The following MROH7 variants were observed in gnomAD, a reference collection of about 807,000 sequenced individuals.
The protein encoded by MROH7 is maestro heat-like repeat-containing protein family member 7.
Under a neutral mutation model 129.2 loss-of-function variants are expected in MROH7, and 113 were observed. That is an observed-to-expected ratio of 0.87 (90% CI 0.75 to 1.02). MROH7 has a LOEUF of 1.02. Ranked by LOEUF, MROH7 falls within the 50% of genes least tolerant of loss-of-function variation. The pLI, the probability that MROH7 is intolerant of heterozygous loss-of-function variation, is 0.00. For synonymous variants in MROH7, 655 were observed against 667.9 expected (o/e 0.98, Z 0.30); for missense variants, 1,601 against 1,671.3 (o/e 0.96, Z 0.73).
intron 13 of MROH7, among the ~76,000 whole-genome samples, chr1:54,682,160 CTTTTTT>C (rs36109984): frequency 1.5e-5 from 2 of 134,964 alleles, no homozygotes; most frequent in East Asian, 2.2e-4. Context: ...TTCTTTCTTT[CTTTTTT>C]TTTTTTTTTT....
intron 17 of MROH7, chr1:54,695,841 CAG>C (rs574996287): frequency 2.3e-4 from 82 of 354,732 alleles, no homozygotes; most frequent in African/African-American, 1.6e-3. Flanking sequence ...CCAGTTATAA[CAG>C]GGGGTGATAC....
intron 15 of MROH7, among the ~76,000 whole-genome samples, chr1:54,688,950 C>T (rs1006397699): frequency 6.6e-6 from 1 of 152,172 alleles, no homozygotes; most frequent in Non-Finnish European, 1.5e-5. Flanking sequence ...GAGTATCCAC[C>T]TCACCTCAGT....
chr1:54,689,527 C>T (rs765651603), intron 15 of MROH7, among the ~76,000 whole-genome samples: 17 of 152,200 alleles, frequency 1.1e-4, no homozygotes, highest in Non-Finnish European at 2.4e-4. Context: ...AATAGCTCCA[C>T]GGGGCATCAG....
intron 15 of MROH7, 71 bp downstream of exon 15, chr1:54,686,519 A>G (rs1301941676): frequency 7.0e-7 from 1 of 1,426,116 alleles, no homozygotes; most frequent in African/African-American, 1.4e-5. Flanking sequence ...AGAGCCTCCA[A>G]AAGTCTCAGG....
At chr1:54,647,220 A>C (rs1409770327) in intron 1 of MROH7, among the ~76,000 whole-genome samples, 1 of 152,202 alleles carries the variant, frequency 6.6e-6, no homozygotes, top group Non-Finnish European at 1.5e-5. Context: ...ATCCAAGATC[A>C]TGAAGGTTTA....
chr1:54,681,143 A>C (rs981959784), intron 13 of MROH7, among the ~76,000 whole-genome samples: 2 of 152,148 alleles, frequency 1.3e-5, no homozygotes, highest in African/African-American at 4.8e-5. Context: ...CTCGGGTGCC[A>C]AGTCTGCACT....
Position 54,702,688 on chromosome 1 carries a change from T to C in MROH7, c.3507T>C (p.Tyr1169=). Reference sequence around the variant, plus strand: ...CTTGGGAGTTGCCAAAAAGAGCTTATAGCCGGAAGCCCTGGGACAACCAAC... The same window carrying C: ...CTTGGGAGTTGCCAAAAAGAGCTTACAGCCGGAAGCCCTGGGACAACCAAC... ...FMAWELPKRA[Y]SRKPWDNQQQ... is the part of the protein sequence containing the mutation. Residue 1169 remains tyrosine, a synonymous_variant, in exon 21 of 24, where the codon TAT becomes TAC. Coordinates refer to ENST00000421030, the MANE Select transcript of MROH7 (RefSeq NM_001039464.4). The C allele has an allele frequency of 1.2e-6, 2 of 1,613,932 alleles. No individual in the cohort carries two copies. Among genetic ancestry groups the C allele is most frequent in the Non-Finnish European group, 1.7e-6 (2 of 1,179,892 alleles).
intron 15 of MROH7, among the ~76,000 whole-genome samples, chr1:54,691,965 A>T (rs746777540): frequency 1.7e-4 from 25 of 143,398 alleles, no homozygotes; most frequent in Non-Finnish European, 3.1e-4. Flanking sequence ...TCTTAGGCTC[A>T]TTCTGGAGCT....
intron 3 of MROH7, among the ~76,000 whole-genome samples, chr1:54,664,489 C>T (rs1026179354): frequency 1.1e-4 from 16 of 152,156 alleles, no homozygotes; most frequent in African/African-American, 9.6e-5. Context: ...AGGGAACCAC[C>T]GTGCAAAGGC....
In MROH7 at chr1:54,678,730, C is replaced by G; in HGVS notation, c.1937-12C>G. 1 of 1,596,754 alleles carries G rather than the reference C, an allele frequency of 6.3e-7. No homozygotes were observed. Among genetic ancestry groups the G allele is most frequent in the Non-Finnish European group, 8.6e-7 (1 of 1,164,428 alleles). On this transcript the variant is annotated splice_polypyrimidine_tract_variant and intron_variant, in intron 10 of 23. Coordinates refer to ENST00000421030, the MANE Select transcript of MROH7 (RefSeq NM_001039464.4). ...GAGATCCGGCCTCACTGAGAAGGTT[C>G]TCATCTTGCAGGAGCCAGAGATAAG...
chr1:54,647,075 T>C lies in MROH7; in HGVS notation c.-109-4874T>C, dbSNP rs143290564. ...TATTTGGGTTGTTTCCACCTTTGGCTCTCATAAGCCCCAGCTCCTGGCTGA... is the reference window on the plus strand; with the variant it reads ...TATTTGGGTTGTTTCCACCTTTGGCCCTCATAAGCCCCAGCTCCTGGCTGA... On this transcript the variant is annotated intron_variant, in intron 1 of 23. Transcript: ENST00000421030. Among the ~76,000 whole-genome samples the C allele has an allele frequency of 1.5e-3, 222 of 152,362 alleles. 2 individuals are homozygous for C. The highest frequency in any genetic ancestry group is 5.2e-3 in the African/African-American group (215 of 41,588).
intron 4 of MROH7, among the ~76,000 whole-genome samples, chr1:54,666,286 A>G (rs1345259362): frequency 6.6e-6 from 1 of 152,224 alleles, no homozygotes; most frequent in African/African-American, 2.4e-5. Flanking sequence ...ACATTTATTA[A>G]TGAGTACACG....
intron 3 of MROH7, chr1:54,663,707 A>AAT: frequency 2.4e-6 from 1 of 414,844 alleles, no homozygotes; most frequent in Non-Finnish European, 4.7e-6. Flanking sequence ...AAAAACAAAA[A>AAT]AAAAACAAGC....
chr1:54,651,424 G>A (rs572221936), intron 1 of MROH7: 72 of 152,526 alleles, frequency 4.7e-4, no homozygotes, highest in Admixed American at 4.1e-3. Flanking sequence ...CTGAAAGGGT[G>A]AAGCAGCAGT....
chr1:54,707,831 GA>G (rs1195563796), intron 22 of MROH7, among the ~76,000 whole-genome samples: 3 of 151,828 alleles, frequency 2.0e-5, no homozygotes, highest in Non-Finnish European at 2.9e-5. Context: ...ATACTTTCCT[GA>G]AAAAAATGCA....
chr1:54,673,323 C>T (rs1644931233), intron 8 of MROH7, 137 bp downstream of exon 8: 1 of 669,402 alleles, frequency 1.5e-6, no homozygotes, highest in Admixed American at 2.4e-5. Flanking sequence ...TTCTGCCTCC[C>T]TGTCTGTCTC....
chr1:54,659,970 C>G (rs1450272506), intron 3 of MROH7, among the ~76,000 whole-genome samples: 2 of 152,032 alleles, frequency 1.3e-5, no homozygotes, highest in East Asian at 3.8e-4. Flanking sequence ...TGTTGTTGAC[C>G]ATGACTTTTG....
intron 1 of MROH7, among the ~76,000 whole-genome samples, chr1:54,645,483 G>A (rs918022864): frequency 1.3e-5 from 2 of 151,922 alleles, no homozygotes; most frequent in Non-Finnish European, 2.9e-5. Flanking sequence ...GTTTCACCAT[G>A]TTGGCCAGGC....
chr1:54,709,846 G>C, intron 23 of MROH7, 100 bp from the exon 24 acceptor site: 1 of 1,398,694 alleles, frequency 7.1e-7, no homozygotes, highest in South Asian at 1.3e-5. Context: ...GCCAAGCAGA[G>C]GGTGCCTAAG....
Sources: gnomAD v4.1 joint callset for allele counts (sites outside exome capture counted in the v4.1 genomes callset) on GRCh38, gnomAD v4.1.1 for gene constraint, MANE v1.5 for transcripts, NCBI Gene and HGNC (gene_info 2026-07-23, HGNC 2026-07-21) for gene names.